Variants in MICU2 observed in about 807,000 individuals in gnomAD.
MICU2 encodes the protein calcium uptake protein 2, mitochondrial.
Under a neutral mutation model 60.4 loss-of-function variants are expected in MICU2, and 64 were observed. The ratio of observed to expected loss-of-function variants is 1.06; its 90% CI spans 0.87 to 1.31. The LOEUF (loss-of-function observed/expected upper bound fraction) is 1.31, where lower values mean the gene tolerates loss of function less well. MICU2 is among the 50% of genes most tolerant of loss of function. The pLI is 0.00. For missense variants in MICU2, 569 were observed against 531.0 expected, an observed-to-expected ratio of 1.07 and a Z score of -0.70; for synonymous variants, 201 against 175.0, an observed-to-expected ratio of 1.15 and a Z score of -1.17.
intron 9 of MICU2, among the ~76,000 whole-genome samples, chr13:21,500,359 GAT>G (rs981064158): frequency 3.3e-5 from 5 of 150,222 alleles, no homozygotes. Context: ...AAGTTCTCAT[GAT>G]ATATTAAATA....
At chr13:21,581,050 A>T (rs961238896) in intron 1 of MICU2, among the ~76,000 whole-genome samples, 13 of 152,254 alleles carry the variant, frequency 8.5e-5, no homozygotes, top group Non-Finnish European at 1.8e-4. Flanking sequence ...GCAGGTAAAA[A>T]TTAGCAGTAA....
chr13:21,554,085 AGACTTT>A (rs1011227299), intron 2 of MICU2, among the ~76,000 whole-genome samples: 46 of 152,332 alleles, frequency 3.0e-4, no homozygotes, highest in African/African-American at 1.0e-3. Flanking sequence ...TAATAATGGG[AGACTTT>A]AACACCCCAC....
chr13:21,510,598 A>G (rs1886402203), intron 7 of MICU2, among the ~76,000 whole-genome samples: 1 of 152,128 alleles, frequency 6.6e-6, no homozygotes. Flanking sequence ...TTCTTTAATA[A>G]AATAACAAAA....
intron 1 of MICU2, among the ~76,000 whole-genome samples, chr13:21,573,964 A>C (rs2138048891): frequency 6.6e-6 from 1 of 152,358 alleles, no homozygotes; most frequent in East Asian, 1.9e-4. Flanking sequence ...AAAAAATATT[A>C]ATCTTAACCT....
At chr13:21,550,789 A>T (rs1391607743) in intron 2 of MICU2, among the ~76,000 whole-genome samples, 1 of 146,886 alleles carries the variant, frequency 6.8e-6, no homozygotes, top group African/African-American at 2.4e-5. Context: ...CTTTACAACA[A>T]CGCTTTGACG....
chr13:21,575,506 T>C (rs1373405634), intron 1 of MICU2, among the ~76,000 whole-genome samples: 2 of 150,902 alleles, frequency 1.3e-5, no homozygotes, highest in African/African-American at 2.4e-5. Flanking sequence ...GAGGATCCCT[T>C]GAGCCCAAGA....
At chr13:21,561,551 T>G (rs192673127) in intron 2 of MICU2, among the ~76,000 whole-genome samples, 2 of 152,004 alleles carry the variant, frequency 1.3e-5, no homozygotes, top group Admixed American at 6.5e-5. Flanking sequence ...AAAAAAAAAT[T>G]ACTACGCAAT....
In MICU2 at chr13:21,531,199, TAG is replaced by T. The variant is rs545986324; in HGVS notation, c.466+8101_466+8102del. 2.1e-5 allele frequency: 20 copies of T among 956,830 alleles called. No homozygotes were observed. In the East Asian group the frequency reaches 3.6e-4, roughly 17 times the overall value. The allele number at this position is 956,830 out of a possible 1,614,324, so 59.3% of individuals were successfully genotyped here. A position where few individuals can be genotyped will look rare whatever the true frequency, so the allele number is the denominator to read the frequency against. On this transcript the variant is annotated intron_variant, in intron 4 of 11. Transcript: ENST00000382374. ...AAGGAAGACATTCTTAATAAAGCAT[TAG>T]AGTTATGTGAGATCCTAGCTCAAGA... is the stretch of plus-strand genomic sequence containing the variant.
chr13:21,518,842 G>A (rs889951119), intron 6 of MICU2, among the ~76,000 whole-genome samples: 3 of 152,094 alleles, frequency 2.0e-5, no homozygotes, highest in African/African-American at 7.2e-5. Context: ...ATTTATTTGA[G>A]ATATTTGATT....
intron 1 of MICU2, among the ~76,000 whole-genome samples, chr13:21,579,781 A>T (rs1051498151): frequency 3.3e-5 from 5 of 152,226 alleles, no homozygotes; most frequent in African/African-American, 1.2e-4. Flanking sequence ...GTCTCAAAAA[A>T]ATATTAAATA....
intron 11 of MICU2, 24 bp downstream of exon 11, chr13:21,495,133 CATGT>C (rs751015815): frequency 2.0e-5 from 31 of 1,564,678 alleles, no homozygotes; most frequent in South Asian, 1.7e-4. Context: ...ACAATGTAAA[CATGT>C]ATTATATAAA....
chr13:21,506,813 C>G (rs1239033126), intron 8 of MICU2, among the ~76,000 whole-genome samples: 1 of 152,196 alleles, frequency 6.6e-6, no homozygotes, highest in Non-Finnish European at 1.5e-5. Flanking sequence ...TAGCGATACC[C>G]TGTCACTCCT....
At chr13:21,538,394 A>G (rs112471876) in intron 4 of MICU2, among the ~76,000 whole-genome samples, 3,818 of 151,454 alleles carry the variant, frequency 0.025, 158 homozygotes, top group African/African-American at 0.089. Flanking sequence ...ATGTAGTGAG[A>G]CTCCCGTCTA....
At chr13:21,550,958 C>T (rs943591894) in intron 2 of MICU2, among the ~76,000 whole-genome samples, 1 of 152,182 alleles carries the variant, frequency 6.6e-6, no homozygotes, top group African/African-American at 2.4e-5. Context: ...TACAATAATG[C>T]CCATTCTTTT....
intron 10 of MICU2, 113 bp downstream of exon 10, chr13:21,495,939 T>C (rs746700692): frequency 7.4e-6 from 5 of 677,704 alleles, no homozygotes; most frequent in Non-Finnish European, 1.2e-5. Context: ...AATTAAAAGG[T>C]CAATCAACTA....
chr13:21,579,712 A>G (rs1259491604), intron 1 of MICU2, among the ~76,000 whole-genome samples: 1 of 152,222 alleles, frequency 6.6e-6, no homozygotes, highest in African/African-American at 2.4e-5. Context: ...CAAATTTGCC[A>G]AAGTCTCCCT....
intron 2 of MICU2, among the ~76,000 whole-genome samples, chr13:21,541,011 G>A (rs1887269065): frequency 1.3e-5 from 2 of 152,014 alleles, no homozygotes; most frequent in African/African-American, 4.8e-5. Context: ...TCATTACCAT[G>A]TACCCTTTTA....
intron 4 of MICU2, among the ~76,000 whole-genome samples, chr13:21,537,430 T>A (rs1300227497): frequency 1.3e-5 from 2 of 151,964 alleles, no homozygotes; most frequent in African/African-American, 2.4e-5. Context: ...TCTTTCTCCA[T>A]AAAGCTCAGA....
chr13:21,539,336 A>AC lies in MICU2; in HGVS notation c.431dup (p.Cys144TrpfsTer12). 6.2e-7 allele frequency: 1 copy of AC among 1,614,056 alleles called. No individual in the cohort carries two copies. Among genetic ancestry groups the AC allele is most frequent in the Non-Finnish European group, 8.5e-7 (1 of 1,179,950 alleles). On this transcript the variant is annotated frameshift_variant, in exon 4 of 12. Transcript: ENST00000382374. LOFTEE classifies it high-confidence loss of function. ...CAAGGTCTCTGAAAAAAGTTGATCC[A>AC]CAGCCAGCTGTTTGGATCCCTGACA...
Sources: gnomAD v4.1 joint callset for allele counts (sites outside exome capture counted in the v4.1 genomes callset) on GRCh38, gnomAD v4.1.1 for gene constraint, MANE v1.5 for transcripts, NCBI Gene and HGNC (gene_info 2026-07-23, HGNC 2026-07-21) for gene names.